The following HMCN1 variants were observed in gnomAD, a reference collection of about 807,000 sequenced individuals.
HMCN1 encodes the protein hemicentin-1.
A neutral mutation model predicts 625.9 loss-of-function variants in HMCN1; 321 were observed. That is an observed-to-expected ratio of 0.51 (90% CI 0.47 to 0.56). The LOEUF (loss-of-function observed/expected upper bound fraction) is 0.56, where lower values mean the gene tolerates loss of function less well. Among genes scored for constraint, HMCN1 ranks in the 20% least tolerant of loss-of-function variants. The pLI, the probability that HMCN1 is intolerant of heterozygous loss-of-function variation, is 0.00. For missense variants in HMCN1, 6,588 were observed against 6,887.3 expected (o/e 0.96, Z 1.54); for synonymous variants, 2,425 against 2,417.6 (o/e 1.00, Z -0.09).
intron 4 of HMCN1, among the ~76,000 whole-genome samples, chr1:185,902,387 A>ATCTATCTATCTATCTATC (rs1410846625): frequency 7.0e-5 from 10 of 142,648 alleles, no homozygotes; most frequent in Non-Finnish European, 1.0e-4. Context: ...GTCTCTATCT[A>ATCTATCTATCTATCTATC]TCTATCTATC....
chr1:186,188,057 C>T, intron 106 of HMCN1, 48 bp downstream of exon 106: 1 of 1,609,060 alleles, frequency 6.2e-7, no homozygotes, highest in Non-Finnish European at 8.5e-7. Context: ...AATCCTTCCT[C>T]CCACTCCTTG....
chr1:185,791,908 C>G (rs1428247922), intron 1 of HMCN1, among the ~76,000 whole-genome samples: 1 of 152,060 alleles, frequency 6.6e-6, no homozygotes, highest in East Asian at 1.9e-4. Flanking sequence ...TCACTTGCTC[C>G]AGGATATGCT....
intron 4 of HMCN1, among the ~76,000 whole-genome samples, chr1:185,871,318 A>T (rs1036393407): frequency 6.6e-6 from 1 of 152,054 alleles, no homozygotes; most frequent in Non-Finnish European, 1.5e-5. Flanking sequence ...TAAACAGAAA[A>T]GATTCAGCAC....
intron 71 of HMCN1, among the ~76,000 whole-genome samples, chr1:186,112,134 T>A (rs1182882274): frequency 6.6e-6 from 1 of 152,258 alleles, no homozygotes; most frequent in Non-Finnish European, 1.5e-5. Context: ...AATTTTTGTC[T>A]ATGCCTAGTT....
At chr1:185,984,703 T>G (rs894068182) in intron 19 of HMCN1, among the ~76,000 whole-genome samples, 4 of 152,220 alleles carry the variant, frequency 2.6e-5, no homozygotes, top group Non-Finnish European at 5.9e-5. Flanking sequence ...GACCCCTTTG[T>G]GCTTGAGCTA....
intron 6 of HMCN1, among the ~76,000 whole-genome samples, chr1:185,915,759 C>T (rs897484914): frequency 6.6e-6 from 1 of 151,910 alleles, no homozygotes; most frequent in African/African-American, 2.4e-5. Flanking sequence ...TTAAATTAAC[C>T]TTGAGTCTAA....
At chr1:185,966,605 C>T (rs147479931) in intron 14 of HMCN1, among the ~76,000 whole-genome samples, 86 of 151,934 alleles carry the variant, frequency 5.7e-4, no homozygotes, top group African/African-American at 2.0e-3. Context: ...CTTCCAGTTA[C>T]GGGAAAAAGA....
intron 1 of HMCN1, among the ~76,000 whole-genome samples, chr1:185,780,783 G>C (rs911672271): frequency 2.6e-5 from 4 of 152,186 alleles, no homozygotes; most frequent in Admixed American, 6.5e-5. Flanking sequence ...CATCGATGTT[G>C]ATCAAGGATA....
At position 186,065,358 on chromosome 1, in the gene HMCN1, C is replaced by T; in HGVS notation, c.7634C>T (p.Thr2545Ile). The T allele has an allele frequency of 6.2e-7, 1 of 1,612,180 alleles. No homozygotes were observed. Among genetic ancestry groups the T allele is most frequent in the Non-Finnish European group, 8.5e-7 (1 of 1,179,690 alleles). Reference protein sequence around the residue: ...LQITNVQVPHTGRYTCLASSP... With the variant: ...LQITNVQVPHIGRYTCLASSP... ...ATTACCAATGTCCAGGTGCCACACA[C>T]TGGAAGATATACATGTTTGGCTTCC... The change falls in exon 49 of 107, where the codon ACT (threonine) becomes ATT (isoleucine). Residue 2545 changes from threonine (T) to isoleucine (I), a missense_variant. Thr to Ile is a moderately conservative substitution (Grantham distance 89). Transcript: ENST00000271588.
Position 185,989,626 on chromosome 1 carries a change from A to G in HMCN1, c.3187A>G (p.Lys1063Glu). 6.2e-7 allele frequency: 1 copy of G among 1,614,068 alleles called. No homozygotes were observed. Among genetic ancestry groups the G allele is most frequent in the South Asian group, 1.1e-5 (1 of 91,080 alleles). The change falls in exon 21 of 107, where the codon AAA (lysine) becomes GAA (glutamate). Residue 1063 changes from lysine to glutamate, a missense_variant. Lys to Glu is a moderately conservative substitution (Grantham distance 56, BLOSUM62 1). Around this residue, in one of 3 missense-constraint regions of HMCN1, gnomAD observed 4,628 missense variants for 4,853.1 expected, o/e 0.95. Transcript: ENST00000271588. ...CAATACAGCCGGCTACGCCAAAAGG[A>G]AAGTGCAGCTAACAGTCTATGGTGA... ...ATNTAGYAKRKVQLTVYVRPR... is the reference protein window; with the variant it reads ...ATNTAGYAKREVQLTVYVRPR...
chr1:185,906,719 C>T (rs1398033525), intron 4 of HMCN1, among the ~76,000 whole-genome samples: 7 of 151,652 alleles, frequency 4.6e-5, no homozygotes, highest in African/African-American at 1.7e-4. Context: ...AAACTTGAAA[C>T]ATCTCACAAT....
chr1:185,835,546 C>T (rs1330680845), intron 1 of HMCN1, among the ~76,000 whole-genome samples: 1 of 151,706 alleles, frequency 6.6e-6, no homozygotes, highest in Non-Finnish European at 1.5e-5. Context: ...CAGACTGGAA[C>T]AAAATAATTA....
At chr1:186,112,695 G>T in intron 71 of HMCN1, 117 bp from the exon 72 acceptor site, 1 of 1,241,802 alleles carries the variant, frequency 8.1e-7, no homozygotes, top group Non-Finnish European at 1.1e-6. Flanking sequence ...AGCAGACAAA[G>T]CATGCTGACA....
Position 185,830,748 on chromosome 1 carries a change from C to T in HMCN1, c.269-15278C>T, listed in dbSNP as rs1923457. ...CAAAAAAATACAAAAATTAGCCAGG[C>T]GTGGTGGTGTGTGCCTGTAGTCTGA... On this transcript the variant is annotated intron_variant, in intron 1 of 106. Transcript: ENST00000271588. Among the ~76,000 whole-genome samples the T allele has an allele frequency of 9.1e-3, 1,390 of 151,962 alleles. 10 individuals are homozygous for T. The highest frequency in any genetic ancestry group is 0.031 in the Middle Eastern group (9 of 294).
In HMCN1 at chr1:186,132,347, A is replaced by G; in HGVS notation, c.13250A>G (p.Tyr4417Cys). 1.2e-6 allele frequency: 2 copies of G among 1,612,810 alleles called. No homozygotes were observed. Among genetic ancestry groups the G allele is most frequent in the Non-Finnish European group, 8.5e-7 (1 of 1,179,372 alleles). ...YGTVNEDAGDYTCVATNEAGV... is the reference protein window; with the variant it reads ...YGTVNEDAGDCTCVATNEAGV... ...CCATAGAATGAAGATGCCGGTGACT[A>G]TACATGTGTAGCTACCAATGAAGCT... Residue 4417 changes from tyrosine to cysteine, a missense_variant, in exon 86 of 107, where the codon TAT (tyrosine) becomes TGT (cysteine). By Grantham distance (194) the Tyr-to-Cys change is radical. Coordinates refer to ENST00000271588, the MANE Select transcript of HMCN1 (RefSeq NM_031935.3).
intron 4 of HMCN1, among the ~76,000 whole-genome samples, chr1:185,905,226 C>A (rs1571537297): frequency 6.6e-6 from 1 of 151,616 alleles, no homozygotes. Context: ...ATTCTTCCCT[C>A]CCTCCCATTT....
At chr1:185,735,263 C>T (rs1653478832) in intron 1 of HMCN1, among the ~76,000 whole-genome samples, 1 of 152,148 alleles carries the variant, frequency 6.6e-6, no homozygotes, top group African/African-American at 2.4e-5. Context: ...GTTTAGGGAA[C>T]TTGTACTGTG....
chr1:186,004,469 T>C (rs868213422), intron 29 of HMCN1, among the ~76,000 whole-genome samples: 31 of 152,144 alleles, frequency 2.0e-4, no homozygotes, highest in African/African-American at 6.8e-4. Context: ...TATAAATCAC[T>C]AATAAATACA....
At chr1:186,060,378 CCTA>C (rs1657607800) in intron 46 of HMCN1, among the ~76,000 whole-genome samples, 1 of 152,000 alleles carries the variant, frequency 6.6e-6, no homozygotes, top group African/African-American at 2.4e-5. Context: ...CAATAAATGA[CCTA>C]CTTTTTTGTT....
Sources: allele counts gnomAD v4.1 joint callset (sites outside exome capture counted in the v4.1 genomes callset), GRCh38; gene constraint gnomAD v4.1.1; regional missense constraint gnomAD v4.1.1; transcripts MANE v1.5; gene names NCBI Gene and HGNC (gene_info 2026-07-23, HGNC 2026-07-21).